Variants in SNTG2 observed in about 807,000 individuals in gnomAD.
The protein encoded by SNTG2 is syntrophin gamma 2, also known as gamma-2-syntrophin.
A neutral mutation model predicts 70.9 loss-of-function variants in SNTG2; 74 were observed. The observed-to-expected ratio is 1.04, with a 90% CI of 0.86 to 1.27. SNTG2 has a LOEUF of 1.27. Ranked by LOEUF, SNTG2 falls within the 50% of genes most tolerant of loss-of-function variation. The pLI is 0.00. For synonymous variants in SNTG2, 278 were observed against 273.8 expected (o/e 1.02, Z -0.15); for missense variants, 717 against 690.7 (o/e 1.04, Z -0.43).
chr2:1,273,142 A>G (rs1255786144), intron 14 of SNTG2, among the ~76,000 whole-genome samples: 1 of 152,118 alleles, frequency 6.6e-6, no homozygotes, highest in Non-Finnish European at 1.5e-5. Flanking sequence ...GACCTCACTG[A>G]GGCAAACCAA....
At chr2:1,164,030 G>T (rs903118769) in intron 6 of SNTG2, among the ~76,000 whole-genome samples, 26 of 152,320 alleles carry the variant, frequency 1.7e-4, no homozygotes, top group African/African-American at 6.0e-4. Flanking sequence ...GCAATGACGG[G>T]CATGGAAAGT....
chr2:1,349,652 G>C (rs780162760), intron 16 of SNTG2, among the ~76,000 whole-genome samples: 1 of 152,192 alleles, frequency 6.6e-6, no homozygotes, highest in Non-Finnish European at 1.5e-5. Flanking sequence ...GGTCACTTAT[G>C]CTACTTTTCT....
In SNTG2 at chr2:1,359,406, A is replaced by G. The variant is rs746478576; in HGVS notation, c.1489-7937A>G. 7.4e-4 allele frequency among the ~76,000 whole-genome samples: 113 copies of G among 152,148 alleles called. 1 individual carries two copies. The highest frequency in any genetic ancestry group is 1.4e-3 in the Admixed American group (22 of 15,280). ...GTGCATATTTATTTACAGTTGTTCT[A>G]TCTTCCTGGTGGATTGATTCTGTTT... is the stretch of plus-strand genomic sequence containing the variant. On this transcript the variant is annotated intron_variant, in intron 16 of 16. Transcript: ENST00000308624.
At chr2:1,326,046 T>G (rs920482380) in intron 16 of SNTG2, among the ~76,000 whole-genome samples, 5 of 152,106 alleles carry the variant, frequency 3.3e-5, no homozygotes, top group Admixed American at 3.3e-4. Context: ...TTGGCAAGGA[T>G]GGTCTCGATC....
At chr2:1,092,165 G>A (rs1665068731) in intron 2 of SNTG2, among the ~76,000 whole-genome samples, 1 of 152,124 alleles carries the variant, frequency 6.6e-6, no homozygotes, top group South Asian at 2.1e-4. Context: ...TATCTTTCAT[G>A]TGTGGGTGTG....
In SNTG2 at chr2:1,263,326, ATATT is replaced by A. The variant is rs535133687; in HGVS notation, c.1077+3886_1077+3889del. On this transcript the variant is annotated intron_variant, in intron 13 of 16. Coordinates refer to ENST00000308624, the MANE Select transcript of SNTG2 (RefSeq NM_018968.4). Reference sequence around the variant, plus strand: ...ACAAATTCACATTGCATGAAAGAGAATATTAATTATTGTCCTATTATTAAGGTTA... The same window carrying A: ...ACAAATTCACATTGCATGAAAGAGAAAATTATTGTCCTATTATTAAGGTTA... Among the ~76,000 whole-genome samples the A allele has an allele frequency of 1.1e-4, 17 of 152,308 alleles. No homozygotes were observed. The South Asian group carries it at 3.5e-3, about 32-fold the overall frequency.
At chr2:1,240,946 G>A (rs1379910640) in intron 11 of SNTG2, among the ~76,000 whole-genome samples, 1 of 152,008 alleles carries the variant, frequency 6.6e-6, no homozygotes, top group African/African-American at 2.4e-5. Context: ...TCCCTACTAT[G>A]TGTTTTTGAA....
At chr2:1,348,288 TA>T (rs1660401765) in intron 16 of SNTG2, among the ~76,000 whole-genome samples, 1 of 152,234 alleles carries the variant, frequency 6.6e-6, no homozygotes, top group African/African-American at 2.4e-5. Flanking sequence ...AGGGATTTCT[TA>T]AAATTTAACC....
chr2:1,135,151 C>T (rs1668295953), intron 4 of SNTG2, among the ~76,000 whole-genome samples: 1 of 152,182 alleles, frequency 6.6e-6, no homozygotes, highest in Non-Finnish European at 1.5e-5. Flanking sequence ...ATAGACCTCA[C>T]TGCGTTAGTT....
rs144837986 is a variant in SNTG2 at position 1,156,710 on chromosome 2, G to A, written c.412-8838G>A. Among the ~76,000 whole-genome samples, 911 of 152,270 alleles carry A rather than the reference G, an allele frequency of 6.0e-3. 7 individuals carry two copies. The highest frequency in any genetic ancestry group is 0.011 in the Non-Finnish European group (767 of 68,024). On this transcript the variant is annotated intron_variant, in intron 6 of 16. Transcript: ENST00000308624. ...GACCAGGGGTTCGGTTTGAGGAGGA[G>A]GCAGTGAGGTCCCGGCTGGAGACAG... is the stretch of plus-strand genomic sequence containing the variant.
At chr2:1,140,395 CAT>C (rs1427825947) in intron 6 of SNTG2, among the ~76,000 whole-genome samples, 2 of 152,194 alleles carry the variant, frequency 1.3e-5, no homozygotes, top group Non-Finnish European at 1.5e-5. Flanking sequence ...AATTCTGAGA[CAT>C]GTCTCTCTTC....
intron 8 of SNTG2, among the ~76,000 whole-genome samples, chr2:1,192,185 T>G (rs1206864425): frequency 1.3e-5 from 2 of 152,142 alleles, no homozygotes; most frequent in East Asian, 3.9e-4. Context: ...CCAGATGATG[T>G]GGGGCAGAGG....
chr2:1,006,174 G>T (rs183573212), intron 1 of SNTG2, among the ~76,000 whole-genome samples: 3 of 118,858 alleles, frequency 2.5e-5, no homozygotes, highest in African/African-American at 6.3e-5. Context: ...GTGGTGGGGT[G>T]GGGGGAGGGA....
intron 1 of SNTG2, among the ~76,000 whole-genome samples, chr2:1,025,816 C>G (rs1173569006): frequency 6.6e-6 from 1 of 152,218 alleles, no homozygotes; most frequent in Admixed American, 6.5e-5. Context: ...CATTCACAGG[C>G]TCTGCAGATG....
chr2:1,250,035 T>C (rs930576293), intron 12 of SNTG2, among the ~76,000 whole-genome samples: 14 of 152,144 alleles, frequency 9.2e-5, no homozygotes, highest in African/African-American at 2.9e-4. Context: ...GGACCAGCCG[T>C]GCGTGCCGGG....
At chr2:1,227,617 G>T (rs1193879809) in intron 9 of SNTG2, among the ~76,000 whole-genome samples, 1 of 152,228 alleles carries the variant, frequency 6.6e-6, no homozygotes, top group Non-Finnish European at 1.5e-5. Flanking sequence ...GCCTGTTGGA[G>T]TGTGGGCCTG....
At chr2:1,248,755 C>T (rs902603439) in intron 12 of SNTG2, among the ~76,000 whole-genome samples, 1 of 152,130 alleles carries the variant, frequency 6.6e-6, no homozygotes, top group South Asian at 2.1e-4. Context: ...ACCTGGACCA[C>T]GTACCACTGA....
chr2:1,154,965 A>AC (rs533096207), intron 6 of SNTG2, among the ~76,000 whole-genome samples: 3,946 of 88,060 alleles, frequency 0.045, 197 homozygotes, highest in African/African-American at 0.14. Flanking sequence ...ACCACACACA[A>AC]AGACATATAC....
intron 7 of SNTG2, among the ~76,000 whole-genome samples, chr2:1,169,046 C>T (rs1226951342): frequency 6.6e-6 from 1 of 152,108 alleles, no homozygotes; most frequent in Non-Finnish European, 1.5e-5. Flanking sequence ...ACTCAGGTGT[C>T]AGACGCACAT....
Sources: allele counts gnomAD v4.1 joint callset (sites outside exome capture counted in the v4.1 genomes callset), GRCh38; gene constraint gnomAD v4.1.1; transcripts MANE v1.5; gene names NCBI Gene and HGNC (gene_info 2026-07-23, HGNC 2026-07-21).